MAN1C1: variants seen among roughly 807,000 people sequenced by gnomAD.
MAN1C1 encodes mannosyl-oligosaccharide 1,2-alpha-mannosidase IC.
MAN1C1 carries 49 observed loss-of-function variants against 71.5 expected under a neutral mutation model. The ratio of observed to expected loss-of-function variants is 0.69; its 90% CI spans 0.54 to 0.87. MAN1C1 has a LOEUF of 0.87. MAN1C1 is among the 40% of genes least tolerant of loss of function. MAN1C1 has a pLI of 0.00. For missense variants in MAN1C1, 743 were observed against 835.0 expected (o/e 0.89, Z 1.36); for synonymous variants, 352 against 343.7 (o/e 1.02, Z -0.27).
At chr1:25,697,415 T>C (rs2046383422) in intron 2 of MAN1C1, among the ~76,000 whole-genome samples, 1 of 152,272 alleles carries the variant, frequency 6.6e-6, no homozygotes, top group Non-Finnish European at 1.5e-5. Context: ...TATTCCTTTG[T>C]ATGGATATCC....
In MAN1C1 at chr1:25,663,955, G is replaced by T. The variant is rs2045885480; in HGVS notation, c.541-22485G>T. Reference sequence around the variant, plus strand: ...ATTGGGCCTGTCTCACAAAACCAGGGGTTATATGAATTTAAAGAAACATGA... The same window carrying T: ...ATTGGGCCTGTCTCACAAAACCAGGTGTTATATGAATTTAAAGAAACATGA... On this transcript the variant is annotated intron_variant, in intron 1 of 11. Transcript: ENST00000374332. Among the ~76,000 whole-genome samples the T allele has an allele frequency of 2.6e-5, 4 of 152,332 alleles. No homozygotes were observed. The South Asian group carries it at 8.3e-4, about 32-fold the overall frequency.
At chr1:25,636,869 ACTCGGCCAGG>A (rs2045468842) in intron 1 of MAN1C1, among the ~76,000 whole-genome samples, 1 of 151,930 alleles carries the variant, frequency 6.6e-6, no homozygotes, top group African/African-American at 2.4e-5. Flanking sequence ...TTCCCACAAC[ACTCGGCCAGG>A]CATGGTGGCT....
intron 2 of MAN1C1, among the ~76,000 whole-genome samples, chr1:25,703,156 G>T (rs2046469390): frequency 6.6e-6 from 1 of 152,230 alleles, no homozygotes; most frequent in African/African-American, 2.4e-5. Flanking sequence ...TTAGGATCCT[G>T]AAGTGATTGG....
At chr1:25,652,708 CTCA>C (rs1161146155) in intron 1 of MAN1C1, among the ~76,000 whole-genome samples, 1 of 152,234 alleles carries the variant, frequency 6.6e-6, no homozygotes, top group Non-Finnish European at 1.5e-5. Flanking sequence ...CAACCTCTGC[CTCA>C]ATGTCCTTTT....
intron 1 of MAN1C1, among the ~76,000 whole-genome samples, chr1:25,673,299 T>A (rs1242175743): frequency 6.6e-6 from 1 of 152,090 alleles, no homozygotes; most frequent in Admixed American, 6.6e-5. Context: ...TTGTAACTGA[T>A]CCTTGCAGCA....
intron 2 of MAN1C1, among the ~76,000 whole-genome samples, chr1:25,713,181 C>T (rs1382782343): frequency 6.6e-6 from 1 of 151,658 alleles, no homozygotes; most frequent in East Asian, 1.9e-4. Flanking sequence ...CACAGGCCTC[C>T]TGCCTGCCTC....
In MAN1C1 at chr1:25,746,260, G is replaced by A. The variant is rs944471152; in HGVS notation, c.638-408G>A. On this transcript the variant is annotated intron_variant, in intron 2 of 11. Transcript: ENST00000374332. The surrounding 1 kb of genome is among the most constrained non-coding windows in gnomAD (Gnocchi z 4.0). ...GCAGAGGTTGGAGTGAGCCGAGATC[G>A]CACCATTGCACTCCAGACTGGGTGA... Among the ~76,000 whole-genome samples, 22 of 152,186 alleles carry A rather than the reference G, an allele frequency of 1.4e-4. No homozygotes were observed. Among genetic ancestry groups the A allele is most frequent in the Admixed American group, 5.2e-4 (8 of 15,282 alleles).
At chr1:25,703,268 C>T (rs2046471492) in intron 2 of MAN1C1, among the ~76,000 whole-genome samples, 1 of 152,194 alleles carries the variant, frequency 6.6e-6, no homozygotes, top group Non-Finnish European at 1.5e-5. Flanking sequence ...GGGGGTCCCA[C>T]TTTACTAGGT....
At chr1:25,644,314 A>G (rs180768030) in intron 1 of MAN1C1, among the ~76,000 whole-genome samples, 7 of 151,900 alleles carry the variant, frequency 4.6e-5, no homozygotes, top group Admixed American at 4.6e-4. Flanking sequence ...GGAAAGGTCA[A>G]GGCTTCTACC....
At chr1:25,673,581 A>G (rs575446965) in intron 1 of MAN1C1, among the ~76,000 whole-genome samples, 2 of 152,252 alleles carry the variant, frequency 1.3e-5, no homozygotes, top group African/African-American at 4.8e-5. Flanking sequence ...TTTTACACAG[A>G]TGAACAGATT....
chr1:25,637,867 A>G (rs2045484657), intron 1 of MAN1C1, among the ~76,000 whole-genome samples: 1 of 151,426 alleles, frequency 6.6e-6, no homozygotes, highest in African/African-American at 2.4e-5. Flanking sequence ...TTCAGCTTTC[A>G]TATGATTAGT....
chr1:25,654,248 C>T (rs1239411965), intron 1 of MAN1C1: 4 of 152,278 alleles, frequency 2.6e-5, no homozygotes, highest in African/African-American at 4.8e-5. Flanking sequence ...TTAGACACAG[C>T]GGTCCTGGGG....
intron 2 of MAN1C1, among the ~76,000 whole-genome samples, chr1:25,732,794 C>T (rs1214632430): frequency 1.3e-5 from 2 of 152,250 alleles, no homozygotes; most frequent in African/African-American, 4.8e-5. Flanking sequence ...TCTCCTGGCA[C>T]TGCCTCTGCT....
intron 1 of MAN1C1, among the ~76,000 whole-genome samples, chr1:25,664,273 T>TTA (rs1300994426): frequency 1.3e-5 from 2 of 151,516 alleles, no homozygotes; most frequent in Admixed American, 6.6e-5. Context: ...TTTTTTTTTT[T>TTA]AATTTTAATC....
chr1:25,642,367 C>T (rs1300965977), intron 1 of MAN1C1, among the ~76,000 whole-genome samples: 1 of 152,182 alleles, frequency 6.6e-6, no homozygotes, highest in Non-Finnish European at 1.5e-5. Flanking sequence ...CAGGTGGTTC[C>T]GACTCTGCAG....
chr1:25,696,914 T>G (rs2046377956), intron 2 of MAN1C1, among the ~76,000 whole-genome samples: 1 of 152,232 alleles, frequency 6.6e-6, no homozygotes, highest in African/African-American at 2.4e-5. Context: ...CCCACAGTGT[T>G]GGGATTACAG....
chr1:25,703,617 G>T (rs1445123212), intron 2 of MAN1C1, among the ~76,000 whole-genome samples: 1 of 152,128 alleles, frequency 6.6e-6, no homozygotes, highest in African/African-American at 2.4e-5. Context: ...GGAAGTGGAG[G>T]TTGCAGTGAG....
chr1:25,624,739 G>A (rs1331116613), intron 1 of MAN1C1, among the ~76,000 whole-genome samples: 1 of 152,168 alleles, frequency 6.6e-6, no homozygotes, highest in Non-Finnish European at 1.5e-5. Flanking sequence ...ATAAAAGGAA[G>A]TTTTTCTCTC....
intron 1 of MAN1C1, among the ~76,000 whole-genome samples, chr1:25,682,320 C>T (rs560200688): frequency 6.6e-6 from 1 of 152,112 alleles, no homozygotes; most frequent in Non-Finnish European, 1.5e-5. Context: ...GGATCTGGAA[C>T]CAGAGAGATC....
Sources: allele counts gnomAD v4.1 joint callset (sites outside exome capture counted in the v4.1 genomes callset), GRCh38; gene constraint gnomAD v4.1.1; non-coding constraint Gnocchi (gnomAD v3.1); transcripts MANE v1.5; gene names NCBI Gene and HGNC (gene_info 2026-07-23, HGNC 2026-07-21).